TIRAP: variants seen among roughly 807,000 people sequenced by gnomAD.
TIRAP encodes TIR domain containing adaptor protein, also known as toll/interleukin-1 receptor domain-containing adapter protein.
Under a neutral mutation model 19.8 loss-of-function variants are expected in TIRAP, and 20 were observed. The ratio of observed to expected loss-of-function variants is 1.01; its 90% CI spans 0.71 to 1.47. TIRAP has a LOEUF of 1.47. Among genes scored for constraint, TIRAP ranks in the 40% most tolerant of loss-of-function variants. The pLI is 0.00. For synonymous variants in TIRAP, 125 were observed against 121.7 expected (o/e 1.03, Z -0.18); for missense variants, 276 against 285.1 (o/e 0.97, Z 0.23).
At chr11:126,293,191 T>C (rs1951429897) in intron 4 of TIRAP, 136 bp downstream of exon 4, 1 of 1,502,780 alleles carries the variant, frequency 6.7e-7, no homozygotes, top group East Asian at 2.3e-5. Flanking sequence ...GTTTGTATCC[T>C]GGCTCCTGCA....
rs1473136987 is a variant in TIRAP, at chr11:126,291,002, T to TGTA, written c.67+44_67+46dup. ...CTCGCGACTCTGCTGTGTTCCTGAG[T>TGTA]GTAGTGCTCAGCCTCCATAGGGCGC... On this transcript the variant is annotated intron_variant, in intron 3 of 4. Transcript: ENST00000392679. This position sits in a 1 kb window ranked among gnomAD's most constrained non-coding sequence, Gnocchi z 5.6. The TGTA allele has an allele frequency of 3.2e-6, 5 of 1,578,778 alleles. No homozygotes were observed. The highest frequency in any genetic ancestry group is 1.7e-6 in the Non-Finnish European group (2 of 1,161,412).
rs1442107858 is a variant in TIRAP at position 126,291,401 on chromosome 11, C to G, written c.67+440C>G. 1 of 1,313,804 alleles carries G rather than the reference C, an allele frequency of 7.6e-7. No individual in the cohort carries two copies. Among genetic ancestry groups the G allele is most frequent in the Admixed American group, 2.2e-5 (1 of 45,934 alleles). 81.4% of individuals were successfully genotyped at this position (1,313,804 alleles called of 1,614,324 possible). On this transcript the variant is annotated intron_variant, in intron 3 of 4. Coordinates refer to ENST00000392679, the MANE Select transcript of TIRAP (RefSeq NM_001318777.2). This position sits in a 1 kb window ranked among gnomAD's most constrained non-coding sequence, Gnocchi z 5.6. ...GGAGTCCCATACTCCAAACACAGAC[C>G]TGAGCAGTGTTTCTCCCCCACAGAC...
Position 126,291,318 on chromosome 11 carries a change from C to A in TIRAP, c.67+357C>A. ...AAGCAGAGAGAGAAAATGAATCAAT[C>A]CCCACCACAACTATCTGTCCTTATC... On this transcript the variant is annotated intron_variant, in intron 3 of 4. Transcript: ENST00000392679. This position sits in a 1 kb window ranked among gnomAD's most constrained non-coding sequence, Gnocchi z 5.6. The A allele has an allele frequency of 3.1e-6, 2 of 652,220 alleles. No individual in the cohort carries two copies. The highest frequency in any genetic ancestry group is 4.9e-6 in the Non-Finnish European group (2 of 408,702). 40.4% of individuals were successfully genotyped at this position (652,220 alleles called of 1,614,324 possible).
Position 126,283,753 on chromosome 11 carries a change from AG to A in TIRAP, c.-217+605del, listed in dbSNP as rs1257934344. Among the ~76,000 whole-genome samples the A allele has an allele frequency of 2.6e-5, 4 of 152,284 alleles. No homozygotes were observed. The East Asian group carries it at 7.7e-4, about 29-fold the overall frequency. The stretch of plus-strand genomic sequence containing the variant: ...AGCATACCCTAGAAGTGCAACAGAG[AG>A]GGGGAAGTGTGGAGAACTCCCGTTG... On this transcript the variant is annotated intron_variant, in intron 1 of 4. Coordinates refer to ENST00000392679, the MANE Select transcript of TIRAP (RefSeq NM_001318777.2).
At position 126,290,702 on chromosome 11, in the gene TIRAP, T is replaced by C. The variant is rs1399809964; in HGVS notation, c.-92-101T>C. On this transcript the variant is annotated intron_variant, in intron 2 of 4. Coordinates refer to ENST00000392679, the MANE Select transcript of TIRAP (RefSeq NM_001318777.2). This position sits in a 1 kb window ranked among gnomAD's most constrained non-coding sequence, Gnocchi z 4.9. ...GACCCATTTAGAGAAGAAGCCTCTG[T>C]CAGGCATTAGGAGAGAAACAGAACT... 1 of 1,367,382 alleles carries C rather than the reference T, an allele frequency of 7.3e-7. No individual in the cohort carries two copies. Among genetic ancestry groups the C allele is most frequent in the African/African-American group, 1.5e-5 (1 of 66,552 alleles). The allele number at this position is 1,367,382 out of a possible 1,614,324, so 84.7% of individuals were successfully genotyped here.
At position 126,294,755 on chromosome 11, in the gene TIRAP, A is replaced by T; in HGVS notation, c.*1068A>T. 2 of 294,886 alleles carry T rather than the reference A, an allele frequency of 6.8e-6. No individual in the cohort carries two copies. Among genetic ancestry groups the T allele is most frequent in the Non-Finnish European group, 1.3e-5 (2 of 148,836 alleles). The allele number at this position is 294,886 out of a possible 1,614,324, so 18.3% of individuals were successfully genotyped here. ...TCTTTTGCTGAAAAAAATTTTTATTATTTTTTCTATCTCTAGTTCTAGAAA... is the reference window on the plus strand; with the variant it reads ...TCTTTTGCTGAAAAAAATTTTTATTTTTTTTTCTATCTCTAGTTCTAGAAA... On this transcript the variant is annotated 3_prime_UTR_variant, in exon 5 of 5. Coordinates refer to ENST00000392679, the MANE Select transcript of TIRAP (RefSeq NM_001318777.2).
At position 126,292,633 on chromosome 11, in the gene TIRAP, G is replaced by T; in HGVS notation, c.224G>T (p.Ser75Ile). 2 of 1,614,182 alleles carry T rather than the reference G, an allele frequency of 1.2e-6. No individual in the cohort carries two copies. The highest frequency in any genetic ancestry group is 1.7e-6 in the Non-Finnish European group (2 of 1,180,026). Reference protein sequence around the residue: ...TSPSLPPTHASDSGSSRWSKD... With the variant: ...TSPSLPPTHAIDSGSSRWSKD... ...CCCAGCCTGCCACCCACACATGCGA[G>T]TGACAGTGGCAGTAGTCGCTGGAGC... Residue 75 changes from serine (S) to isoleucine (I), a missense_variant, in exon 4 of 5, where the codon AGT becomes ATT. By Grantham distance (142) the Ser-to-Ile change is moderately radical. Coordinates refer to ENST00000392679, the MANE Select transcript of TIRAP (RefSeq NM_001318777.2).
intron 1 of TIRAP, among the ~76,000 whole-genome samples, chr11:126,285,241 G>GTGTGTGTGTATATATATATATA (rs1227083138): frequency 2.7e-5 from 1 of 37,604 alleles, no homozygotes; most frequent in Non-Finnish European, 7.1e-5. Flanking sequence ...ATGTGTGTGT[G>GTGTGTGTGTATATATATATATA]TGTATATATA....
Position 126,294,311 on chromosome 11 carries a change from G to A in TIRAP, c.*624G>A, listed in dbSNP as rs77356646. The stretch of plus-strand genomic sequence containing the variant: ...TTCAAAGAGCTGTAGGGAAGATGCA[G>A]TCAGCACTGCACTGTATTTTTTATT... On this transcript the variant is annotated 3_prime_UTR_variant, in exon 5 of 5. Transcript: ENST00000392679. 1 of 323,444 alleles carries A rather than the reference G, an allele frequency of 3.1e-6. No homozygotes were observed. 20.0% of individuals were successfully genotyped at this position (323,444 alleles called of 1,614,324 possible). A position where few individuals can be genotyped will look rare whatever the true frequency, so the allele number is the denominator to read the frequency against.
chr11:126,285,243 G>GTGTGTGTATATA, intron 1 of TIRAP, among the ~76,000 whole-genome samples: 145 of 106,974 alleles, frequency 1.4e-3, no homozygotes, highest in African/African-American at 2.2e-3. Context: ...GTGTGTGTGT[G>GTGTGTGTATATA]TATATATATA....
At chr11:126,286,257 C>T (rs532885851) in intron 1 of TIRAP, among the ~76,000 whole-genome samples, 57 of 151,554 alleles carry the variant, frequency 3.8e-4, no homozygotes, top group African/African-American at 1.3e-3. Context: ...CCCAGCTACT[C>T]AGGAGGCTGA....
At position 126,285,243 on chromosome 11, in the gene TIRAP, G is replaced by GTGTGTGTGTATATATATATATATA; in HGVS notation, c.-217+2091_-217+2092insGTGTGTGTATATATATATATATAT. On this transcript the variant is annotated intron_variant, in intron 1 of 4. Coordinates refer to ENST00000392679, the MANE Select transcript of TIRAP (RefSeq NM_001318777.2). Reference sequence around the variant, plus strand: ...ATTTATTGGATATATGTGTGTGTGTGTATATATATATATATATAATATATA... The same window carrying GTGTGTGTGTATATATATATATATA: ...ATTTATTGGATATATGTGTGTGTGTGTGTGTGTGTATATATATATATATATATATATATATATATATAATATATA... 3.8e-3 allele frequency among the ~76,000 whole-genome samples: 403 copies of GTGTGTGTGTATATATATATATATA among 106,904 alleles called. 1 individual carries two copies. The highest frequency in any genetic ancestry group is 6.0e-3 in the African/African-American group (168 of 28,212). The allele number at this position is 106,904 out of a possible 152,430, so 70.1% of individuals were successfully genotyped here.
intron 1 of TIRAP, among the ~76,000 whole-genome samples, chr11:126,284,625 G>A (rs1183481581): frequency 6.6e-6 from 1 of 152,002 alleles, no homozygotes; most frequent in African/African-American, 2.4e-5. Flanking sequence ...GGAGGCTGAG[G>A]CAGGCAGATT....
chr11:126,293,150 CA>C (rs779804905), intron 4 of TIRAP, 95 bp downstream of exon 4: 7 of 1,585,700 alleles, frequency 4.4e-6, no homozygotes, highest in Non-Finnish European at 6.0e-6. Flanking sequence ...CCTAGTAGTT[CA>C]AAGCGCAGCT....
At chr11:126,293,180 G>T (rs1490419225) in intron 4 of TIRAP, 125 bp downstream of exon 4, 1 of 1,544,952 alleles carries the variant, frequency 6.5e-7, no homozygotes, top group East Asian at 2.3e-5. Flanking sequence ...AGGCTGTCGG[G>T]GTTTGTATCC....
rs1198196482 is a variant in TIRAP, at chr11:126,292,550, T to G, written c.141T>G (p.Ala47=). ...PNSPESTSSD[A]SQPTSQDSPL... is the part of the protein sequence containing the mutation. Reference sequence around the variant, plus strand: ...CCCCAGAAAGCACCTCCAGCGATGCTTCACAGCCTACCTCACAGGACAGCC... The same window carrying G: ...CCCCAGAAAGCACCTCCAGCGATGCGTCACAGCCTACCTCACAGGACAGCC... The change falls in exon 4 of 5, where the codon GCT becomes GCG. Residue 47 remains alanine (A), a synonymous_variant. Transcript: ENST00000392679. The G allele has an allele frequency of 3.7e-6, 6 of 1,613,956 alleles. No homozygotes were observed. The highest frequency in any genetic ancestry group is 5.1e-6 in the Non-Finnish European group (6 of 1,180,026).
intron 1 of TIRAP, 42 bp downstream of exon 1, chr11:126,283,195 G>A: frequency 1.0e-6 from 1 of 956,874 alleles, no homozygotes; most frequent in Non-Finnish European, 1.2e-6. Context: ...GAGGCGCGGC[G>A]GGGCTCCGTG....
intron 1 of TIRAP, chr11:126,289,790 G>A (rs1281486419): frequency 6.1e-6 from 6 of 985,182 alleles, no homozygotes; most frequent in South Asian, 9.4e-5. Flanking sequence ...AAGAGTGTCC[G>A]CCATCAGGGA....
Position 126,291,248 on chromosome 11 carries a change from CTT to C in TIRAP, c.67+288_67+289del. 1.8e-6 allele frequency: 1 copy of C among 570,980 alleles called. No individual in the cohort carries two copies. Among genetic ancestry groups the C allele is most frequent in the African/African-American group, 1.9e-5 (1 of 53,382 alleles). The allele number at this position is 570,980 out of a possible 1,614,324, so 35.4% of individuals were successfully genotyped here. On this transcript the variant is annotated intron_variant, in intron 3 of 4. Coordinates refer to ENST00000392679, the MANE Select transcript of TIRAP (RefSeq NM_001318777.2). The surrounding 1 kb of genome is among the most constrained non-coding windows in gnomAD (Gnocchi z 5.6). The stretch of plus-strand genomic sequence containing the variant: ...CTGTGCTGAGTGCTTAACACTGTCT[CTT>C]GTCGTCCAAATCTTTGTTCCAGAAC...
Sources: gnomAD v4.1 joint callset for allele counts (sites outside exome capture counted in the v4.1 genomes callset) on GRCh38, gnomAD v4.1.1 for gene constraint, Gnocchi (gnomAD v3.1) non-coding constraint, MANE v1.5 for transcripts, NCBI Gene and HGNC (gene_info 2026-07-23, HGNC 2026-07-21) for gene names.